Variants in ARMC3 observed in about 807,000 individuals in gnomAD.
The protein encoded by ARMC3 is armadillo repeat-containing protein 3.
A neutral mutation model predicts 90.3 loss-of-function variants in ARMC3; 74 were observed. The observed-to-expected ratio is 0.82, with a 90% CI of 0.68 to 0.99. The LOEUF (loss-of-function observed/expected upper bound fraction) is 0.99. ARMC3 is among the 50% of genes least tolerant of loss of function. The pLI is 0.00. For missense variants in ARMC3, 958 were observed against 1,042.8 expected, an observed-to-expected ratio of 0.92 and a Z score of 1.12; for synonymous variants, 334 against 361.8, an observed-to-expected ratio of 0.92 and a Z score of 0.87.
At position 22,971,796 on chromosome 10, in the gene ARMC3, A is replaced by G. The variant is rs184496780; in HGVS notation, c.916+3307A>G. On this transcript the variant is annotated intron_variant, in intron 8 of 18. Coordinates refer to ENST00000298032, the MANE Select transcript of ARMC3 (RefSeq NM_173081.5). ...TATTGTTTTCTGTAGCAGCTGTACCATTTTACATTCCCATAACCAATGCAC... is the reference window on the plus strand; with the variant it reads ...TATTGTTTTCTGTAGCAGCTGTACCGTTTTACATTCCCATAACCAATGCAC... 9.9e-5 allele frequency among the ~76,000 whole-genome samples: 15 copies of G among 152,128 alleles called. 1 individual carries two copies. Among genetic ancestry groups the G allele is most frequent in the Admixed American group, 6.6e-4 (10 of 15,258 alleles).
At chr10:22,935,369 T>A (rs536633364) in intron 2 of ARMC3, among the ~76,000 whole-genome samples, 1 of 152,240 alleles carries the variant, frequency 6.6e-6, no homozygotes, top group African/African-American at 2.4e-5. Context: ...CTTTAAAAAA[T>A]AAATAAATAA....
chr10:23,037,230 C>T (rs1414299004), intron 18 of ARMC3, 40 bp from the exon 19 acceptor site: 1 of 1,507,564 alleles, frequency 6.6e-7, no homozygotes, highest in Non-Finnish European at 8.9e-7. Context: ...CCACCCCTCT[C>T]CCGCACCACC....
chr10:22,943,595 T>G (rs573156383), intron 2 of ARMC3, among the ~76,000 whole-genome samples: 4 of 152,182 alleles, frequency 2.6e-5, no homozygotes, highest in African/African-American at 7.2e-5. Flanking sequence ...CATTATTAGT[T>G]TTTTTTCCCT....
rs770106259 is a variant in ARMC3 at position 23,003,344 on chromosome 10, T to C, written c.1661T>C (p.Leu554Pro). ...AAGTTGCTCAATAACAATCTTTCCC[T>C]GAAATACAGCCAGACTGGCTATTTG... ...YNKLLNNNLSLKYSQTGYLSS... is the reference protein window; with the variant it reads ...YNKLLNNNLSPKYSQTGYLSS... The change falls in exon 13 of 19, where the codon CTG becomes CCG. Residue 554 changes from leucine to proline, a missense_variant. Transcript: ENST00000298032. 2 of 1,613,268 alleles carry C rather than the reference T, an allele frequency of 1.2e-6. No homozygotes were observed. The highest frequency in any genetic ancestry group is 1.7e-6 in the Non-Finnish European group (2 of 1,179,720).
chr10:22,952,401 GA>G (rs756070245), intron 3 of ARMC3, among the ~76,000 whole-genome samples: 1 of 152,132 alleles, frequency 6.6e-6, no homozygotes, highest in Non-Finnish European at 1.5e-5. Context: ...GGAATATTAT[GA>G]ATAAATTAAT....
intron 12 of ARMC3, 97 bp from the exon 13 acceptor site, chr10:23,003,149 C>A: frequency 8.9e-7 from 1 of 1,128,754 alleles, no homozygotes; most frequent in Non-Finnish European, 1.2e-6. Flanking sequence ...AGCTCCATCT[C>A]CATTCTTCCT....
intron 10 of ARMC3, among the ~76,000 whole-genome samples, chr10:22,993,765 T>G (rs1157403719): frequency 6.6e-6 from 1 of 152,156 alleles, no homozygotes; most frequent in African/African-American, 2.4e-5. Flanking sequence ...GAGTGAAGAA[T>G]GAGCTAGTGT....
At chr10:22,966,638 C>A (rs1403874818) in intron 7 of ARMC3, among the ~76,000 whole-genome samples, 2 of 152,112 alleles carry the variant, frequency 1.3e-5, no homozygotes, top group African/African-American at 4.8e-5. Context: ...AAAGAACTGC[C>A]CGAGACTGGG....
intron 16 of ARMC3, among the ~76,000 whole-genome samples, chr10:23,013,850 C>A (rs545049510): frequency 7.2e-6 from 1 of 139,482 alleles, no homozygotes; most frequent in South Asian, 2.3e-4. Flanking sequence ...AGATCTGGGA[C>A]CACGCTTTTT....
intron 16 of ARMC3, among the ~76,000 whole-genome samples, chr10:23,027,713 T>G (rs991804369): frequency 6.6e-6 from 1 of 152,196 alleles, no homozygotes; most frequent in African/African-American, 2.4e-5. Flanking sequence ...TCTCAGCCTT[T>G]CCTTCTTTAT....
At chr10:23,019,825 G>T (rs1032280274) in intron 16 of ARMC3, among the ~76,000 whole-genome samples, 1 of 152,130 alleles carries the variant, frequency 6.6e-6, no homozygotes, top group Admixed American at 6.5e-5. Flanking sequence ...GATGACATGC[G>T]CAAGCCATCA....
At chr10:22,986,683 A>C (rs1371094633) in intron 10 of ARMC3, among the ~76,000 whole-genome samples, 1 of 152,178 alleles carries the variant, frequency 6.6e-6, no homozygotes, top group Non-Finnish European at 1.5e-5. Flanking sequence ...ACAATCAATA[A>C]TGGCCATTAC....
chr10:22,933,667 C>T (rs1453065025), intron 2 of ARMC3, among the ~76,000 whole-genome samples: 1 of 152,004 alleles, frequency 6.6e-6, no homozygotes, highest in Non-Finnish European at 1.5e-5. Flanking sequence ...GGGCGGATCA[C>T]GAGGTCAGGA....
intron 7 of ARMC3, among the ~76,000 whole-genome samples, chr10:22,966,856 G>A (rs954547211): frequency 3.9e-5 from 6 of 152,156 alleles, no homozygotes; most frequent in Non-Finnish European, 7.4e-5. Flanking sequence ...CGGGGGAACT[G>A]CCCCCATGAT....
intron 10 of ARMC3, among the ~76,000 whole-genome samples, chr10:22,997,653 TAAATC>T (rs889910908): frequency 3.3e-5 from 5 of 152,218 alleles, no homozygotes; most frequent in African/African-American, 9.6e-5. Flanking sequence ...AATTTTAACT[TAAATC>T]AGGAGTTCCC....
intron 11 of ARMC3, among the ~76,000 whole-genome samples, chr10:22,999,905 G>A (rs529544236): frequency 7.9e-5 from 12 of 152,284 alleles, no homozygotes; most frequent in South Asian, 4.1e-4. Context: ...CAAGTACTGC[G>A]TGCCAGGTGC....
intron 16 of ARMC3, among the ~76,000 whole-genome samples, chr10:23,010,907 C>T (rs1264987491): frequency 0.61 from 27,038 of 44,104 alleles, 10,386 homozygotes; most frequent in Non-Finnish European, 0.75. Context: ...TCCCTTCCTT[C>T]CCCTCTTCTT....
intron 2 of ARMC3, among the ~76,000 whole-genome samples, chr10:22,932,607 T>G (rs1833975206): frequency 6.6e-6 from 1 of 152,240 alleles, no homozygotes; most frequent in Admixed American, 6.5e-5. Flanking sequence ...TTAAACTTTA[T>G]CAATTATTGA....
chr10:23,000,762 G>A (rs1837244504), intron 11 of ARMC3, among the ~76,000 whole-genome samples: 1 of 152,194 alleles, frequency 6.6e-6, no homozygotes, highest in African/African-American at 2.4e-5. Flanking sequence ...CCCTGTGTTT[G>A]TGATGAGAGT....
Sources: gnomAD v4.1 joint callset for allele counts (sites outside exome capture counted in the v4.1 genomes callset) on GRCh38, gnomAD v4.1.1 for gene constraint, MANE v1.5 for transcripts, NCBI Gene and HGNC (gene_info 2026-07-23, HGNC 2026-07-21) for gene names.